The following NXPH1 variants were observed in gnomAD, a reference collection of about 807,000 sequenced individuals.
The protein encoded by NXPH1 is neurexophilin-1.
Under a neutral mutation model 23.7 loss-of-function variants are expected in NXPH1, and 5 were observed. The ratio of observed to expected loss-of-function variants is 0.21; its 90% CI spans 0.11 to 0.44. NXPH1 has a LOEUF of 0.44. NXPH1 is among the 20% of genes least tolerant of loss of function. NXPH1 has a pLI of 0.99. For missense variants in NXPH1, 324 were observed against 321.6 expected (o/e 1.01, Z -0.06); for synonymous variants, 144 against 122.2 (o/e 1.18, Z -1.18).
At chr7:8,695,909 A>C (rs1779493170) in intron 2 of NXPH1, among the ~76,000 whole-genome samples, 1 of 152,154 alleles carries the variant, frequency 6.6e-6, no homozygotes, top group South Asian at 2.1e-4. Flanking sequence ...ATTGTTTCTT[A>C]ATTTCTTCTT....
chr7:8,521,054 TTC>T (rs1817763180), intron 2 of NXPH1, among the ~76,000 whole-genome samples: 1 of 152,182 alleles, frequency 6.6e-6, no homozygotes, highest in Admixed American at 6.5e-5. Context: ...AGATGATGTT[TTC>T]TCTGTCAGTT....
chr7:8,678,764 C>A (rs1366815160), intron 2 of NXPH1, among the ~76,000 whole-genome samples: 2 of 151,174 alleles, frequency 1.3e-5, no homozygotes. Context: ...ACATGAACTA[C>A]TCCTAGGGAA....
At chr7:8,695,284 T>C (rs1821290222) in intron 2 of NXPH1, among the ~76,000 whole-genome samples, 2 of 152,206 alleles carry the variant, frequency 1.3e-5, no homozygotes, top group South Asian at 4.1e-4. Flanking sequence ...GTTAGGGTTA[T>C]CTTCATAGCA....
At chr7:8,490,831 T>A (rs184698859) in intron 2 of NXPH1, among the ~76,000 whole-genome samples, 28 of 152,146 alleles carry the variant, frequency 1.8e-4, no homozygotes, top group African/African-American at 6.5e-4. Context: ...ACCTTCCAGG[T>A]CTTTAATGTT....
At chr7:8,497,830 G>A (rs1345563573) in intron 2 of NXPH1, among the ~76,000 whole-genome samples, 3 of 152,064 alleles carry the variant, frequency 2.0e-5, no homozygotes, top group African/African-American at 7.2e-5. Context: ...TCACTGTGCT[G>A]GTAGTTTCTT....
chr7:8,646,366 A>C (rs1337269278), intron 2 of NXPH1, among the ~76,000 whole-genome samples: 8 of 152,074 alleles, frequency 5.3e-5, no homozygotes, highest in Admixed American at 4.6e-4. Flanking sequence ...TATTCTTATA[A>C]CTTGTATATT....
chr7:8,449,499 T>C (rs4720780), intron 2 of NXPH1, among the ~76,000 whole-genome samples: 53,307 of 152,088 alleles, frequency 0.35, 10,305 homozygotes, highest in East Asian at 0.68. Context: ...AGATGACATG[T>C]ACTATTAATA....
Position 8,439,195 on chromosome 7 carries a change from C to G in NXPH1, c.54+3428C>G, listed in dbSNP as rs868356552. ...ATTCCAGGATATTTTCAGTATGATA[C>G]AATGGGATGGCAGGATGATAGCATT... On this transcript the variant is annotated intron_variant, in intron 2 of 2. Coordinates refer to ENST00000405863, the MANE Select transcript of NXPH1 (RefSeq NM_152745.3). Among the ~76,000 whole-genome samples the G allele has an allele frequency of 5.9e-5, 9 of 152,126 alleles. No homozygotes were observed. In the South Asian group the frequency reaches 1.7e-3, roughly 28 times the overall value.
At chr7:8,441,826 A>T (rs1308646614) in intron 2 of NXPH1, among the ~76,000 whole-genome samples, 1 of 151,972 alleles carries the variant, frequency 6.6e-6, no homozygotes, top group East Asian at 1.9e-4. Context: ...ACTTCTGATG[A>T]GCGCGCTGCG....
At chr7:8,469,465 G>A (rs1266151901) in intron 2 of NXPH1, among the ~76,000 whole-genome samples, 1 of 152,080 alleles carries the variant, frequency 6.6e-6, no homozygotes, top group Non-Finnish European at 1.5e-5. Context: ...TAATGACAGA[G>A]AGCGTCAAAT....
At position 8,434,775 on chromosome 7, in the gene NXPH1, G is replaced by C. The variant is rs1201330901; in HGVS notation, c.-111+20G>C. 6.6e-6 allele frequency: 1 copy of C among 152,604 alleles called. No homozygotes were observed. Among genetic ancestry groups the C allele is most frequent in the Non-Finnish European group, 1.5e-5 (1 of 68,118 alleles). 9.5% of individuals were successfully genotyped at this position (152,604 alleles called of 1,614,324 possible). On this transcript the variant is annotated intron_variant, in intron 1 of 2. Transcript: ENST00000405863. This position sits in a 1 kb window ranked among gnomAD's most constrained non-coding sequence, Gnocchi z 7.6. ...TGTGCGGTACGTACCCTTTGCCTCC[G>C]CTGTTCCCGGAGGGTACACCTGGGA... is the stretch of plus-strand genomic sequence containing the variant.
intron 2 of NXPH1, among the ~76,000 whole-genome samples, chr7:8,542,510 A>G (rs1262392887): frequency 1.3e-5 from 2 of 151,644 alleles, no homozygotes; most frequent in East Asian, 1.9e-4. Flanking sequence ...ATGCAACAAG[A>G]GCAGAATATA....
At chr7:8,526,304 T>C (rs2128616617) in intron 2 of NXPH1, among the ~76,000 whole-genome samples, 1 of 152,362 alleles carries the variant, frequency 6.6e-6, no homozygotes, top group Admixed American at 6.5e-5. Flanking sequence ...CTAATGCTTG[T>C]ACTTCTATTG....
chr7:8,579,176 T>G (rs976386618), intron 2 of NXPH1, among the ~76,000 whole-genome samples: 1 of 152,142 alleles, frequency 6.6e-6, no homozygotes, highest in African/African-American at 2.4e-5. Context: ...CTTTTAGTAC[T>G]CACTATTTCT....
chr7:8,614,718 T>G (rs1024034427), intron 2 of NXPH1, among the ~76,000 whole-genome samples: 3 of 151,998 alleles, frequency 2.0e-5, no homozygotes, highest in African/African-American at 7.2e-5. Flanking sequence ...GCCATAAATA[T>G]TTTAGAAACT....
chr7:8,601,773 T>C (rs892972950), intron 2 of NXPH1, among the ~76,000 whole-genome samples: 1 of 152,184 alleles, frequency 6.6e-6, no homozygotes, highest in Non-Finnish European at 1.5e-5. Context: ...TTCCCAGATT[T>C]GTGATCCAAC....
intron 2 of NXPH1, among the ~76,000 whole-genome samples, chr7:8,524,383 T>A (rs1027917084): frequency 2.6e-5 from 4 of 152,150 alleles, no homozygotes; most frequent in African/African-American, 9.7e-5. Flanking sequence ...GCTATGCTCT[T>A]AAAAGGAGTA....
intron 2 of NXPH1, among the ~76,000 whole-genome samples, chr7:8,684,884 A>G (rs539270378): frequency 6.6e-6 from 1 of 152,276 alleles, no homozygotes; most frequent in East Asian, 1.9e-4. Context: ...ATCTTCCAAC[A>G]TAAATAATGT....
chr7:8,508,767 A>G (rs971005352), intron 2 of NXPH1, among the ~76,000 whole-genome samples: 1 of 152,086 alleles, frequency 6.6e-6, no homozygotes, highest in Non-Finnish European at 1.5e-5. Context: ...TGTTGCATCA[A>G]TGAATACATA....
Sources: allele counts gnomAD v4.1 joint callset (sites outside exome capture counted in the v4.1 genomes callset), GRCh38; gene constraint gnomAD v4.1.1; non-coding constraint Gnocchi (gnomAD v3.1); transcripts MANE v1.5; gene names NCBI Gene and HGNC (gene_info 2026-07-23, HGNC 2026-07-21).